Variants in KLHL32 observed in about 807,000 individuals in gnomAD.
KLHL32 encodes the protein kelch-like protein 32.
KLHL32 carries 35 observed loss-of-function variants against 64.8 expected under a neutral mutation model. The observed-to-expected ratio is 0.54, with a 90% confidence interval of 0.41 to 0.72. The LOEUF is 0.72. Ranked by LOEUF, KLHL32 falls within the 30% of genes least tolerant of loss-of-function variation. The pLI is 0.00. For synonymous variants in KLHL32, 259 were observed against 281.0 expected (o/e 0.92, Z 0.78); for missense variants, 589 against 768.5 (o/e 0.77, Z 2.76).
rs559837638 is a variant in KLHL32, at chr6:97,075,565, A to G, written c.412-9561A>G. Among the ~76,000 whole-genome samples, 89 of 152,266 alleles carry G rather than the reference A, an allele frequency of 5.8e-4. 1 individual carries two copies. Among genetic ancestry groups the G allele is most frequent in the Middle Eastern group, 3.4e-3 (1 of 294 alleles). On this transcript the variant is annotated intron_variant, in intron 5 of 10. Coordinates refer to ENST00000369261, the MANE Select transcript of KLHL32 (RefSeq NM_052904.4). ...ATAAACATGATAACTTCTTTCCTAT[A>G]TAACTGATCCCAAGGCTATTAAAAG...
intron 5 of KLHL32, among the ~76,000 whole-genome samples, chr6:97,065,849 G>A (rs1420631655): frequency 2.0e-5 from 3 of 152,084 alleles, no homozygotes; most frequent in Non-Finnish European, 2.9e-5. Context: ...AGCAACCCTG[G>A]AAAATAGGAA....
chr6:96,995,971 T>A (rs1582636412), intron 3 of KLHL32, among the ~76,000 whole-genome samples: 1 of 152,274 alleles, frequency 6.6e-6, no homozygotes, highest in East Asian at 1.9e-4. Context: ...CACTATTAAG[T>A]GAGGAAGTAT....
intron 6 of KLHL32, among the ~76,000 whole-genome samples, chr6:97,109,526 C>T (rs779681165): frequency 3.3e-5 from 5 of 152,150 alleles, no homozygotes; most frequent in Non-Finnish European, 7.3e-5. Flanking sequence ...CAGTGGTCAC[C>T]GTTCCATGGC....
At chr6:97,083,422 A>G (rs555792126) in intron 5 of KLHL32, among the ~76,000 whole-genome samples, 10 of 151,334 alleles carry the variant, frequency 6.6e-5, no homozygotes, top group Non-Finnish European at 1.2e-4. Flanking sequence ...TTGGGGAATA[A>G]CAGAGATTCA....
chr6:96,929,634 G>A (rs1165434668), intron 1 of KLHL32, among the ~76,000 whole-genome samples: 1 of 152,152 alleles, frequency 6.6e-6, no homozygotes. Context: ...CTTTACCTAA[G>A]AGGAGCTGAG....
At chr6:96,932,386 C>T (rs561133827) in intron 1 of KLHL32, among the ~76,000 whole-genome samples, 173 of 152,006 alleles carry the variant, frequency 1.1e-3, no homozygotes, top group Non-Finnish European at 2.3e-3. Context: ...ACAGATGGGG[C>T]CTCCTAATAG....
chr6:97,132,808 A>G, intron 10 of KLHL32, 61 bp downstream of exon 10: 1 of 1,154,094 alleles, frequency 8.7e-7, no homozygotes, highest in Non-Finnish European at 1.3e-6. Context: ...TACATTTTGC[A>G]ATGCTGCTAC....
intron 1 of KLHL32, among the ~76,000 whole-genome samples, chr6:96,935,887 T>C (rs1468530717): frequency 2.6e-5 from 4 of 152,240 alleles, no homozygotes; most frequent in African/African-American, 9.6e-5. Context: ...TCACAGTTTC[T>C]CCTAAGGAGA....
chr6:97,099,258 C>T (rs923577477), intron 6 of KLHL32, among the ~76,000 whole-genome samples: 3 of 152,222 alleles, frequency 2.0e-5, no homozygotes, highest in African/African-American at 7.2e-5. Flanking sequence ...GTGATATTCC[C>T]GCTTGGGTCC....
intron 4 of KLHL32, among the ~76,000 whole-genome samples, chr6:97,048,226 T>A (rs764944579): frequency 8.5e-5 from 13 of 152,186 alleles, no homozygotes; most frequent in Non-Finnish European, 1.3e-4. Flanking sequence ...CACTGCTAAC[T>A]CTGTCAGCTG....
chr6:97,084,443 C>T (rs1300015987), intron 5 of KLHL32, among the ~76,000 whole-genome samples: 4 of 152,066 alleles, frequency 2.6e-5, no homozygotes, highest in Non-Finnish European at 5.9e-5. Flanking sequence ...AGCATTTCTG[C>T]AGAAACTCTT....
At chr6:97,034,856 A>T (rs1205021895) in intron 3 of KLHL32, among the ~76,000 whole-genome samples, 1 of 152,038 alleles carries the variant, frequency 6.6e-6, no homozygotes, top group Non-Finnish European at 1.5e-5. Context: ...GCACCAAAAA[A>T]CTTTGTTAAA....
intron 1 of KLHL32, among the ~76,000 whole-genome samples, chr6:96,936,127 G>A (rs753941279): frequency 2.6e-4 from 39 of 152,234 alleles, no homozygotes; most frequent in Admixed American, 2.2e-3. Flanking sequence ...TTTATAGGCA[G>A]GCTAAGTCTA....
At chr6:96,983,469 A>G (rs1415057011) in intron 3 of KLHL32, among the ~76,000 whole-genome samples, 1 of 152,406 alleles carries the variant, frequency 6.6e-6, no homozygotes, top group Non-Finnish European at 1.5e-5. Flanking sequence ...CAGCTCCTCC[A>G]TATACCTCTG....
At chr6:97,025,759 C>T (rs2128108700) in intron 3 of KLHL32, among the ~76,000 whole-genome samples, 1 of 152,294 alleles carries the variant, frequency 6.6e-6, no homozygotes, top group South Asian at 2.1e-4. Context: ...CCAGCTTTAT[C>T]GCCTTGAACC....
intron 10 of KLHL32, among the ~76,000 whole-genome samples, chr6:97,138,767 A>G (rs1393754235): frequency 6.6e-6 from 1 of 152,226 alleles, no homozygotes; most frequent in African/African-American, 2.4e-5. Context: ...GAGGATGTTT[A>G]AGCCAACATT....
chr6:96,990,921 T>TGCAGTG (rs778464203), intron 3 of KLHL32, among the ~76,000 whole-genome samples: 2 of 152,246 alleles, frequency 1.3e-5, no homozygotes, highest in South Asian at 4.2e-4. Context: ...GAAGTACCAC[T>TGCAGTG]GCAGTGGCAG....
At position 97,027,643 on chromosome 6, in the gene KLHL32, T is replaced by C. The variant is rs184561512; in HGVS notation, c.205-13849T>C. Among the ~76,000 whole-genome samples, 100 of 152,340 alleles carry C rather than the reference T, an allele frequency of 6.6e-4. 1 individual carries two copies. Among genetic ancestry groups the C allele is most frequent in the African/African-American group, 2.4e-3 (99 of 41,578 alleles). ...ACTGCCACCATTCACAAGCTTAGGA[T>C]GATTTACTCTTTCAAAGACCATGTC... On this transcript the variant is annotated intron_variant, in intron 3 of 10. Coordinates refer to ENST00000369261, the MANE Select transcript of KLHL32 (RefSeq NM_052904.4).
chr6:96,989,169 T>C (rs755960437), intron 3 of KLHL32, among the ~76,000 whole-genome samples: 23 of 152,228 alleles, frequency 1.5e-4, no homozygotes, highest in Non-Finnish European at 2.9e-4. Flanking sequence ...TTATGCAGAC[T>C]TGATTGTGTG....
Sources: gnomAD v4.1 joint callset for allele counts (sites outside exome capture counted in the v4.1 genomes callset) on GRCh38, gnomAD v4.1.1 for gene constraint, MANE v1.5 for transcripts, NCBI Gene and HGNC (gene_info 2026-07-23, HGNC 2026-07-21) for gene names.